The following LDB2 variants were observed in gnomAD, a reference collection of about 807,000 sequenced individuals.
The protein encoded by LDB2 is LIM domain binding 2, also known as LIM domain-binding protein 2.
Under a neutral mutation model 44.3 loss-of-function variants are expected in LDB2, and 12 were observed. The ratio of observed to expected loss-of-function variants is 0.27; its 90% CI spans 0.17 to 0.44. The LOEUF (loss-of-function observed/expected upper bound fraction) is 0.44, where lower values mean the gene tolerates loss of function less well. Ranked by LOEUF, LDB2 falls within the 20% of genes least tolerant of loss-of-function variation. The pLI, the probability that LDB2 is intolerant of heterozygous loss-of-function variation, is 1.00. For synonymous variants in LDB2, 164 were observed against 174.8 expected, an observed-to-expected ratio of 0.94 and a Z score of 0.49; for missense variants, 344 against 473.5, an observed-to-expected ratio of 0.73 and a Z score of 2.54.
chr4:16,749,296 G>A lies in LDB2; in HGVS notation c.235+9862C>T, dbSNP rs775905455. ...TGAAGTTTAAAATATGAGTCTCGGC[G>A]GGGTGTGGTGGCTCATACTTTGGGA... On this transcript the variant is annotated intron_variant, in intron 2 of 7. Coordinates refer to ENST00000304523, the MANE Select transcript of LDB2 (RefSeq NM_001290.5). Among the ~76,000 whole-genome samples the A allele has an allele frequency of 5.3e-5, 8 of 151,724 alleles. No individual in the cohort carries two copies. The South Asian group carries it at 8.4e-4, about 16-fold the overall frequency.
intron 5 of LDB2, among the ~76,000 whole-genome samples, chr4:16,571,830 G>A (rs1226495702): frequency 6.6e-6 from 1 of 152,124 alleles, no homozygotes; most frequent in African/African-American, 2.4e-5. Flanking sequence ...CTTAATTATG[G>A]TAAACACTTA....
At chr4:16,893,973 A>G (rs1001588016) in intron 1 of LDB2, among the ~76,000 whole-genome samples, 7 of 152,294 alleles carry the variant, frequency 4.6e-5, no homozygotes, top group Non-Finnish European at 8.8e-5. Flanking sequence ...ATAATCGAAC[A>G]TTAGTTAAAT....
At chr4:16,764,346 G>C (rs1180306486) in intron 1 of LDB2, among the ~76,000 whole-genome samples, 3 of 152,026 alleles carry the variant, frequency 2.0e-5, no homozygotes. Flanking sequence ...GGATCAGTTA[G>C]GCAATTTTGT....
chr4:16,672,998 T>C (rs1506459), intron 2 of LDB2, among the ~76,000 whole-genome samples: 12,600 of 151,780 alleles, frequency 0.083, 670 homozygotes, highest in East Asian at 0.18. Context: ...TCCCTTCCTT[T>C]CTTTCTTCTT....
At chr4:16,645,310 G>A (rs1404207006) in intron 2 of LDB2, among the ~76,000 whole-genome samples, 1 of 152,004 alleles carries the variant, frequency 6.6e-6, no homozygotes, top group Non-Finnish European at 1.5e-5. Flanking sequence ...GCCGAGGCGG[G>A]TGGATCATGA....
intron 2 of LDB2, among the ~76,000 whole-genome samples, chr4:16,623,396 A>G (rs1361339805): frequency 6.6e-6 from 1 of 152,120 alleles, no homozygotes; most frequent in Admixed American, 6.5e-5. Flanking sequence ...TCAGCAGTTC[A>G]AGGCCAGCCT....
At chr4:16,876,866 T>G (rs1181233249) in intron 1 of LDB2, among the ~76,000 whole-genome samples, 1 of 152,012 alleles carries the variant, frequency 6.6e-6, no homozygotes, top group Non-Finnish European at 1.5e-5. Context: ...CTTTAACCAT[T>G]GATTCAGTGA....
chr4:16,695,419 C>G (rs567805347), intron 2 of LDB2, among the ~76,000 whole-genome samples: 3 of 150,256 alleles, frequency 2.0e-5, no homozygotes, highest in East Asian at 3.9e-4. Context: ...GAGATCACAC[C>G]GCTGCACTCC....
intron 1 of LDB2, among the ~76,000 whole-genome samples, chr4:16,829,744 T>G (rs1339913324): frequency 6.6e-6 from 1 of 152,198 alleles, no homozygotes; most frequent in Admixed American, 6.5e-5. Context: ...GACCAGTACT[T>G]CTCATCATTT....
intron 2 of LDB2, among the ~76,000 whole-genome samples, chr4:16,757,050 A>C (rs1187610631): frequency 2.6e-5 from 4 of 152,158 alleles, no homozygotes; most frequent in African/African-American, 7.2e-5. Context: ...GCATGAAGGA[A>C]GAGCTGCAGC....
intron 1 of LDB2, among the ~76,000 whole-genome samples, chr4:16,891,937 T>C (rs1165736616): frequency 6.6e-6 from 1 of 152,254 alleles, no homozygotes; most frequent in Non-Finnish European, 1.5e-5. Context: ...AACTACCGTC[T>C]ATTTGACCTT....
At chr4:16,509,378 C>T (rs1162096619) in intron 6 of LDB2, among the ~76,000 whole-genome samples, 1 of 152,022 alleles carries the variant, frequency 6.6e-6, no homozygotes, top group Non-Finnish European at 1.5e-5. Context: ...GTATAGCCAG[C>T]ATATTACTGA....
intron 5 of LDB2, among the ~76,000 whole-genome samples, chr4:16,516,020 C>T (rs1252076547): frequency 4.6e-5 from 7 of 152,050 alleles, no homozygotes; most frequent in East Asian, 3.8e-4. Flanking sequence ...CCCGCCACCA[C>T]GCCCAGCTAA....
intron 1 of LDB2, among the ~76,000 whole-genome samples, chr4:16,851,906 G>T (rs1439259412): frequency 1.3e-5 from 2 of 152,222 alleles, no homozygotes; most frequent in African/African-American, 4.8e-5. Flanking sequence ...CCACAAGGTG[G>T]ACAAGTGCGT....
intron 5 of LDB2, among the ~76,000 whole-genome samples, chr4:16,556,063 G>C (rs1265242960): frequency 6.6e-6 from 1 of 152,158 alleles, no homozygotes; most frequent in Non-Finnish European, 1.5e-5. Flanking sequence ...CCTTAAAACA[G>C]TCCAACTATC....
intron 1 of LDB2, among the ~76,000 whole-genome samples, chr4:16,843,910 G>T (rs1043535518): frequency 6.6e-6 from 1 of 151,898 alleles, no homozygotes; most frequent in African/African-American, 2.4e-5. Context: ...GAGCTGCCAC[G>T]CCCAGCAAAT....
intron 2 of LDB2, among the ~76,000 whole-genome samples, chr4:16,652,904 G>A (rs375987021): frequency 6.6e-6 from 1 of 152,172 alleles, no homozygotes; most frequent in Non-Finnish European, 1.5e-5. Context: ...ACTTGTTTCA[G>A]TAAACACTGA....
In LDB2 at chr4:16,898,621, A is replaced by T. The variant is rs2110592710; in HGVS notation, c.-136T>A. Reference sequence around the variant, plus strand: ...CACACACAGAGGCAGGCAGGCAGGCAGGCTGAACACGCTGGCTGGGAACTG... The same window carrying T: ...CACACACAGAGGCAGGCAGGCAGGCTGGCTGAACACGCTGGCTGGGAACTG... On this transcript the variant is annotated 5_prime_UTR_variant, in exon 1 of 8. Coordinates refer to ENST00000304523, the MANE Select transcript of LDB2 (RefSeq NM_001290.5). 1 of 575,536 alleles carries T rather than the reference A, an allele frequency of 1.7e-6. No individual in the cohort carries two copies. The allele number at this position is 575,536 out of a possible 1,614,324, so 35.7% of individuals were successfully genotyped here.
intron 2 of LDB2, among the ~76,000 whole-genome samples, chr4:16,645,507 G>A (rs918867424): frequency 7.2e-6 from 1 of 139,594 alleles, no homozygotes; most frequent in Non-Finnish European, 1.5e-5. Context: ...ACTGCAGTCC[G>A]CAGTCCGGCC....
Sources: gnomAD v4.1 joint callset for allele counts (sites outside exome capture counted in the v4.1 genomes callset) on GRCh38, gnomAD v4.1.1 for gene constraint, MANE v1.5 for transcripts, NCBI Gene and HGNC (gene_info 2026-07-23, HGNC 2026-07-21) for gene names.